The following KLHL29 variants were observed in gnomAD, a reference collection of about 807,000 sequenced individuals.
KLHL29 encodes kelch like family member 29.
A neutral mutation model predicts 80.4 loss-of-function variants in KLHL29; 21 were observed. The observed-to-expected ratio is 0.26, with a 90% CI of 0.19 to 0.38. The LOEUF (loss-of-function observed/expected upper bound fraction) is 0.38, where lower values mean the gene tolerates loss of function less well. Among genes scored for constraint, KLHL29 ranks in the 10% least tolerant of loss-of-function variants. KLHL29 has a pLI of 1.00. For synonymous variants in KLHL29, 511 were observed against 526.8 expected (o/e 0.97, Z 0.41); for missense variants, 867 against 1,223.9 (o/e 0.71, Z 4.35).
chr2:23,629,534 T>C (rs1056262750), intron 3 of KLHL29, among the ~76,000 whole-genome samples: 6 of 152,198 alleles, frequency 3.9e-5, no homozygotes, highest in Non-Finnish European at 8.8e-5. Flanking sequence ...GCCAGATTTA[T>C]CATTTCCTTT....
chr2:23,476,205 C>T (rs890013951), intron 2 of KLHL29, among the ~76,000 whole-genome samples: 6 of 152,002 alleles, frequency 3.9e-5, no homozygotes, highest in Admixed American at 2.0e-4. Flanking sequence ...CCTTGCTTAC[C>T]TGGGTCTTGG....
chr2:23,531,091 T>G (rs1022603314), intron 2 of KLHL29, among the ~76,000 whole-genome samples: 9 of 152,174 alleles, frequency 5.9e-5, no homozygotes, highest in African/African-American at 2.2e-4. Flanking sequence ...CACAGTGAGG[T>G]AGAGGGGGTA....
intron 2 of KLHL29, among the ~76,000 whole-genome samples, chr2:23,523,712 C>T (rs1170351301): frequency 2.6e-5 from 4 of 152,184 alleles, no homozygotes; most frequent in Admixed American, 6.5e-5. Context: ...AGGCCACAGT[C>T]GTAGGAGCTG....
At chr2:23,548,575 G>C (rs533730834) in intron 2 of KLHL29, among the ~76,000 whole-genome samples, 1 of 152,200 alleles carries the variant, frequency 6.6e-6, no homozygotes, top group Non-Finnish European at 1.5e-5. Flanking sequence ...GCCAGTGTGC[G>C]ATGCGCCAAC....
At chr2:23,551,137 C>T (rs1667112012) in intron 2 of KLHL29, among the ~76,000 whole-genome samples, 1 of 152,264 alleles carries the variant, frequency 6.6e-6, no homozygotes, top group Admixed American at 6.5e-5. Context: ...CCACAGCTCC[C>T]TCATCGATCC....
At position 23,491,331 on chromosome 2, in the gene KLHL29, T is replaced by C. The variant is rs117597127; in HGVS notation, c.-46+15664T>C. The stretch of plus-strand genomic sequence containing the variant: ...TCCTACCCTGGGAGCTCAGATGGAC[T>C]GGCCTTTAGTACAGGGACCTGCGCG... On this transcript the variant is annotated intron_variant, in intron 2 of 13. Coordinates refer to ENST00000486442, the MANE Select transcript of KLHL29 (RefSeq NM_052920.2). Among the ~76,000 whole-genome samples, 8 of 152,300 alleles carry C rather than the reference T, an allele frequency of 5.3e-5. No homozygotes were observed. The East Asian group carries it at 1.2e-3, about 22-fold the overall frequency.
intron 1 of KLHL29, among the ~76,000 whole-genome samples, chr2:23,472,317 A>G (rs1164555041): frequency 2.0e-5 from 3 of 152,114 alleles, no homozygotes; most frequent in African/African-American, 7.2e-5. Context: ...TGAGCAGGTG[A>G]TGGCACTTCT....
intron 1 of KLHL29, among the ~76,000 whole-genome samples, chr2:23,406,004 G>A (rs928668134): frequency 7.9e-5 from 12 of 152,166 alleles, no homozygotes; most frequent in African/African-American, 2.9e-4. Context: ...AAAATGTTCA[G>A]GTATAACAAC....
At chr2:23,524,072 C>A in intron 2 of KLHL29, 1 of 471,298 alleles carries the variant, frequency 2.1e-6, no homozygotes, top group Non-Finnish European at 4.4e-6. Context: ...CCTTCCCCAT[C>A]TAGGGTTTTT....
At chr2:23,579,587 TCCAGTCC>T (rs925918262) in intron 3 of KLHL29, among the ~76,000 whole-genome samples, 3 of 152,062 alleles carry the variant, frequency 2.0e-5, no homozygotes, top group African/African-American at 7.2e-5. Context: ...CCCTTTTCCC[TCCAGTCC>T]CACTTCCACT....
Position 23,658,936 on chromosome 2 carries a change from G to A in KLHL29, c.940+16086G>A, listed in dbSNP as rs1224334304. ...AGAATTCGGAGGCCCCAGCCTCAGC[G>A]TGGAAGAGTAAGCCTCTCCTCAGCT... On this transcript the variant is annotated intron_variant, in intron 5 of 13. Transcript: ENST00000486442. Among the ~76,000 whole-genome samples the A allele has an allele frequency of 2.6e-5, 4 of 152,170 alleles. No homozygotes were observed. The East Asian group carries it at 5.8e-4, about 22-fold the overall frequency.
intron 5 of KLHL29, among the ~76,000 whole-genome samples, chr2:23,673,622 TCACA>T (rs370868909): frequency 1.4e-5 from 2 of 145,288 alleles, no homozygotes; most frequent in Admixed American, 6.8e-5. Context: ...CCACCTCCTC[TCACA>T]CACACACATA....
At chr2:23,467,898 CTT>C (rs1357210927) in intron 1 of KLHL29, among the ~76,000 whole-genome samples, 2 of 151,828 alleles carry the variant, frequency 1.3e-5, no homozygotes, top group Non-Finnish European at 2.9e-5. Context: ...GAAGACCCCT[CTT>C]CATTCATTTG....
chr2:23,478,708 T>C (rs1664703415), intron 2 of KLHL29, among the ~76,000 whole-genome samples: 1 of 152,122 alleles, frequency 6.6e-6, no homozygotes, highest in Non-Finnish European at 1.5e-5. Context: ...TGATCGTCAC[T>C]GGTGCTGGAG....
chr2:23,644,596 G>T (rs1441490046), intron 5 of KLHL29, among the ~76,000 whole-genome samples: 1 of 152,242 alleles, frequency 6.6e-6, no homozygotes, highest in Non-Finnish European at 1.5e-5. Context: ...GCTAAACATT[G>T]TCAGCCCTGA....
At chr2:23,399,513 T>C (rs937082700) in intron 1 of KLHL29, among the ~76,000 whole-genome samples, 1 of 152,242 alleles carries the variant, frequency 6.6e-6, no homozygotes, top group African/African-American at 2.4e-5. Context: ...TAGCAACTCT[T>C]CTAGGGCACT....
chr2:23,659,650 C>T (rs11884985), intron 5 of KLHL29, among the ~76,000 whole-genome samples: 3,576 of 152,264 alleles, frequency 0.023, 142 homozygotes, highest in African/African-American at 0.079. Flanking sequence ...AAATGAGCAG[C>T]TGGTCCCAGA....
chr2:23,480,819 T>C (rs1664779696), intron 2 of KLHL29, among the ~76,000 whole-genome samples: 1 of 152,178 alleles, frequency 6.6e-6, no homozygotes, highest in African/African-American at 2.4e-5. Context: ...CTACGGGCTG[T>C]TAGAATATCT....
At chr2:23,626,301 C>T (rs1669307383) in intron 3 of KLHL29, among the ~76,000 whole-genome samples, 1 of 152,216 alleles carries the variant, frequency 6.6e-6, no homozygotes, top group African/African-American at 2.4e-5. Context: ...GTTGCAAATA[C>T]AGATGAAGCT....
Sources: gnomAD v4.1 joint callset for allele counts (sites outside exome capture counted in the v4.1 genomes callset) on GRCh38, gnomAD v4.1.1 for gene constraint, MANE v1.5 for transcripts, NCBI Gene and HGNC (gene_info 2026-07-23, HGNC 2026-07-21) for gene names.